EDDM13: variants seen among roughly 807,000 people sequenced by gnomAD.
EDDM13 encodes the protein epididymal protein 13.
In EDDM13, 24 loss-of-function variants were observed where a neutral mutation model predicts 17.8. The observed-to-expected ratio is 1.35, with a 90% CI of 0.98 to 1.90. The LOEUF is 1.90. Ranked by LOEUF, EDDM13 falls within the 40% of genes most tolerant of loss-of-function variation. The pLI is 0.00. For synonymous variants in EDDM13, 31 were observed against 37.5 expected (o/e 0.83, Z 0.63); for missense variants, 97 against 100.8 (o/e 0.96, Z 0.16).
At chr19:56,304,554 G>A (rs6509989) in intron 13 of EDDM13, among the ~76,000 whole-genome samples, 23,776 of 152,206 alleles carry the variant, frequency 0.16, 2,773 homozygotes, top group African/African-American at 0.32. Flanking sequence ...TTAGGGGATT[G>A]TGCTGCTTAT....
At chr19:56,308,013 C>T (rs1418219551) in intron 14 of EDDM13, among the ~76,000 whole-genome samples, 1 of 152,224 alleles carries the variant, frequency 6.6e-6, no homozygotes, top group African/African-American at 2.4e-5. Context: ...GATCCCCCCA[C>T]CCACATTCCA....
chr19:56,283,946 C>G (rs572802051), intron 4 of EDDM13: 1 of 152,290 alleles, frequency 6.6e-6, no homozygotes, highest in African/African-American at 2.4e-5. Context: ...CCACTTTGGA[C>G]GCTCTTCCCT....
At chr19:56,303,588 G>A (rs1403787120) in intron 13 of EDDM13, among the ~76,000 whole-genome samples, 2 of 152,056 alleles carry the variant, frequency 1.3e-5, no homozygotes, top group African/African-American at 4.8e-5. Context: ...TTCATTCATT[G>A]ATTCAGTCAG....
At chr19:56,282,180 A>G (rs1231735841) in intron 3 of EDDM13, among the ~76,000 whole-genome samples, 1 of 152,084 alleles carries the variant, frequency 6.6e-6, no homozygotes, top group African/African-American at 2.4e-5. Flanking sequence ...TGGAGATGAC[A>G]CTTGGTTATT....
chr19:56,288,216 T>C (rs114307586), intron 6 of EDDM13, among the ~76,000 whole-genome samples, 169 bp from the exon 7 acceptor site: 1,615 of 152,272 alleles, frequency 0.011, 28 homozygotes, highest in African/African-American at 0.037. Flanking sequence ...CCACGTCTTG[T>C]ACCATGATCA....
chr19:56,301,782 C>G (rs1428801198), intron 12 of EDDM13, among the ~76,000 whole-genome samples, 186 bp from the exon 13 acceptor site: 1 of 152,048 alleles, frequency 6.6e-6, no homozygotes. Context: ...GACTGTTTGT[C>G]TGGAGTATGG....
Position 56,288,299 on chromosome 19 carries a change from C to T in EDDM13, c.155-86C>T, listed in dbSNP as rs111957127. On this transcript the variant is annotated intron_variant, in intron 6 of 14. Transcript: ENST00000649256. ...GCAGGCTCCATCCAGCCCAGGAAGA[C>T]GCCCACATCGTTCCCTCTGTCTGCG... Among the ~76,000 whole-genome samples, 1,347 of 152,292 alleles carry T rather than the reference C, an allele frequency of 8.8e-3. 19 individuals are homozygous for T. The highest frequency in any genetic ancestry group is 0.03 in the African/African-American group (1,247 of 41,554).
chr19:56,304,377 T>A (rs766633980), intron 13 of EDDM13, among the ~76,000 whole-genome samples: 2 of 152,216 alleles, frequency 1.3e-5, no homozygotes, highest in Non-Finnish European at 2.9e-5. Flanking sequence ...CTCAGCAGTG[T>A]CTGGACCACA....
chr19:56,300,865 T>C (rs1031649481), intron 12 of EDDM13, among the ~76,000 whole-genome samples: 1 of 152,190 alleles, frequency 6.6e-6, no homozygotes, highest in African/African-American at 2.4e-5. Flanking sequence ...GGAAAAATGT[T>C]ACACAGGCGA....
At chr19:56,290,712 A>G (rs1355585007) in intron 8 of EDDM13, among the ~76,000 whole-genome samples, 129 bp from the exon 9 acceptor site, 1 of 152,138 alleles carries the variant, frequency 6.6e-6, no homozygotes, top group African/African-American at 2.4e-5. Context: ...ATAAATACAT[A>G]AACAGTTTAA....
At chr19:56,282,226 G>C (rs2038767743) in intron 3 of EDDM13, among the ~76,000 whole-genome samples, 2 of 152,144 alleles carry the variant, frequency 1.3e-5, no homozygotes, top group Admixed American at 1.3e-4. Context: ...TTCAGCTGGA[G>C]AAGGGAGGGT....
chr19:56,298,984 T>A lies in EDDM13; in HGVS notation c.295+1453T>A, dbSNP rs118068810. Among the ~76,000 whole-genome samples, 82 of 152,342 alleles carry A rather than the reference T, an allele frequency of 5.4e-4. No individual in the cohort carries two copies. The East Asian group carries it at 0.015, about 28-fold the overall frequency. ...TTTGGCAATACATGTTAAACAATCA[T>A]GACTAAATTCACTTTATTCCAGCAA... On this transcript the variant is annotated intron_variant, in intron 12 of 14. Coordinates refer to ENST00000649256, the MANE Select transcript of EDDM13 (RefSeq NM_001354658.2).
At chr19:56,284,969 C>G in intron 5 of EDDM13, 29 bp from the exon 6 acceptor site, 1 of 981,226 alleles carries the variant, frequency 1.0e-6, no homozygotes, top group Non-Finnish European at 1.2e-6. Flanking sequence ...GCTGCATTTG[C>G]ACATCATGTG....
intron 14 of EDDM13, among the ~76,000 whole-genome samples, chr19:56,307,891 C>G (rs1462628606): frequency 6.6e-6 from 1 of 152,204 alleles, no homozygotes; most frequent in East Asian, 1.9e-4. Flanking sequence ...TTTCAGGGAA[C>G]CTGGCAGGAA....
chr19:56,300,320 A>G (rs1400413946), intron 12 of EDDM13, among the ~76,000 whole-genome samples: 1 of 152,220 alleles, frequency 6.6e-6, no homozygotes, highest in Non-Finnish European at 1.5e-5. Flanking sequence ...CTCAAGTTAA[A>G]GAACTTGACA....
chr19:56,287,001 T>C (rs1305209683), intron 6 of EDDM13, among the ~76,000 whole-genome samples: 1 of 152,260 alleles, frequency 6.6e-6, no homozygotes, highest in Non-Finnish European at 1.5e-5. Context: ...TGTGAGATTA[T>C]GATAAAATGC....
intron 1 of EDDM13, chr19:56,274,990 G>T (rs2038142277): frequency 6.6e-6 from 1 of 152,146 alleles, no homozygotes; most frequent in South Asian, 2.1e-4. Context: ...CTCATGATTG[G>T]ATTGAGACTA....
intron 9 of EDDM13, among the ~76,000 whole-genome samples, chr19:56,294,259 C>T (rs935608258): frequency 2.6e-5 from 4 of 152,202 alleles, no homozygotes; most frequent in African/African-American, 9.7e-5. Flanking sequence ...GGGCGATTCA[C>T]GTGGGCTCTT....
chr19:56,296,995 G>T (rs2039917455), intron 11 of EDDM13, among the ~76,000 whole-genome samples: 1 of 152,060 alleles, frequency 6.6e-6, no homozygotes, highest in African/African-American at 2.4e-5. Flanking sequence ...CTTGAACCTG[G>T]GAAGCAGTGG....
Sources: allele counts gnomAD v4.1 joint callset (sites outside exome capture counted in the v4.1 genomes callset), GRCh38; gene constraint gnomAD v4.1.1; transcripts MANE v1.5; gene names NCBI Gene and HGNC (gene_info 2026-07-23, HGNC 2026-07-21).